PKD2: variants seen among roughly 807,000 people sequenced by gnomAD.
The protein encoded by PKD2 is polycystin 2, transient receptor potential cation channel.
In PKD2, 48 loss-of-function variants were observed where a neutral mutation model predicts 105.9. The ratio of observed to expected loss-of-function variants is 0.45; its 90% confidence interval spans 0.36 to 0.58. The LOEUF (loss-of-function observed/expected upper bound fraction) is 0.58. Among genes scored for constraint, PKD2 ranks in the 20% least tolerant of loss-of-function variants. The probability of loss-of-function intolerance (pLI) is 0.00; values close to 1 mark genes in which losing one functional copy is unlikely to be tolerated. For missense variants in PKD2, 1,078 were observed against 1,255.3 expected (o/e 0.86, Z 2.13); for synonymous variants, 464 against 481.1 (o/e 0.96, Z 0.46).
chr4:88,024,482 A>G (rs1017130760), intron 2 of PKD2, among the ~76,000 whole-genome samples: 5 of 124,836 alleles, frequency 4.0e-5, no homozygotes, highest in African/African-American at 1.7e-4. Context: ...AAAAAAAAAA[A>G]GAAAGAAAGA....
At chr4:88,053,716 A>G (rs1720201868) in intron 7 of PKD2, among the ~76,000 whole-genome samples, 1 of 152,094 alleles carries the variant, frequency 6.6e-6, no homozygotes, top group South Asian at 2.1e-4. Context: ...TTATTTATTG[A>G]CATGCTTGTT....
chr4:88,057,742 C>A (rs908011431), intron 8 of PKD2, among the ~76,000 whole-genome samples: 3 of 152,056 alleles, frequency 2.0e-5, no homozygotes, highest in Non-Finnish European at 2.9e-5. Flanking sequence ...CTTGTGTTTT[C>A]TTTTTAACCA....
At chr4:88,067,862 G>A in intron 12 of PKD2, 36 bp from the exon 13 acceptor site, 1 of 1,602,926 alleles carries the variant, frequency 6.2e-7, no homozygotes. Context: ...GGGTCTCAGT[G>A]TTCTGCTCCT....
At position 88,034,668 on chromosome 4, in the gene PKD2, C is replaced by CAA. The variant is rs61534136; in HGVS notation, c.710-1533_710-1532dup. The stretch of plus-strand genomic sequence containing the variant: ...GGGCAACAACAGTGAAACTCCGTCT[C>CAA]AAAAAAAAAAAAAAAAAAAAGGCAG... On this transcript the variant is annotated intron_variant, in intron 2 of 14. Coordinates refer to ENST00000237596, the MANE Select transcript of PKD2 (RefSeq NM_000297.4). Among the ~76,000 whole-genome samples, 347 of 71,750 alleles carry CAA rather than the reference C, an allele frequency of 4.8e-3. 5 individuals are homozygous for CAA. Among genetic ancestry groups the CAA allele is most frequent in the African/African-American group, 0.011 (187 of 17,390 alleles). The allele number at this position is 71,750 out of a possible 152,430, so 47.1% of individuals were successfully genotyped here. A position where few individuals can be genotyped will look rare whatever the true frequency, so the allele number is the denominator to read the frequency against.
intron 11 of PKD2, 44 bp from the exon 12 acceptor site, chr4:88,065,718 G>A (rs754809045): frequency 1.4e-6 from 2 of 1,418,494 alleles, no homozygotes; most frequent in East Asian, 2.3e-5. Context: ...GGGTGAACTG[G>A]GTACAAGGAA....
At chr4:88,009,396 C>T (rs916969535) in intron 1 of PKD2, among the ~76,000 whole-genome samples, 1 of 152,182 alleles carries the variant, frequency 6.6e-6, no homozygotes, top group Non-Finnish European at 1.5e-5. Context: ...GTGATTAAAA[C>T]CAGGTCAGGC....
chr4:88,012,017 C>T (rs1191298199), intron 1 of PKD2, among the ~76,000 whole-genome samples: 1 of 151,966 alleles, frequency 6.6e-6, no homozygotes, highest in Non-Finnish European at 1.5e-5. Context: ...AAGGATGCTG[C>T]TAATCTACAA....
chr4:88,065,586 A>G, intron 11 of PKD2, 91 bp downstream of exon 11: 1 of 1,367,996 alleles, frequency 7.3e-7, no homozygotes, highest in Non-Finnish European at 1.0e-6. Flanking sequence ...AAGGGCTCAT[A>G]CAGATACTTT....
At chr4:88,028,341 A>G (rs1239591821) in intron 2 of PKD2, among the ~76,000 whole-genome samples, 1 of 152,252 alleles carries the variant, frequency 6.6e-6, no homozygotes, top group Non-Finnish European at 1.5e-5. Context: ...ATCTCACAGC[A>G]GCTGCAGGCT....
rs1375800439 is a variant in PKD2, at chr4:88,056,251, A to G, written c.1882A>G (p.Thr628Ala). ...VFGTQVDDFS[T>A]FQECIFTQFR... The stretch of plus-strand genomic sequence containing the variant: ...TGGCACTCAGGTCGATGACTTCAGT[A>G]CTTTCCAAGAGTGTATGTAAGTATA... The change falls in exon 8 of 15, where the codon ACT (threonine) becomes GCT (alanine). Residue 628 changes from threonine (T) to alanine (A), a missense_variant. Coordinates refer to ENST00000237596, the MANE Select transcript of PKD2 (RefSeq NM_000297.4). 6.2e-7 allele frequency: 1 copy of G among 1,609,696 alleles called. No individual in the cohort carries two copies. Among genetic ancestry groups the G allele is most frequent in the Non-Finnish European group, 8.5e-7 (1 of 1,176,142 alleles).
chr4:88,043,645 GGATCCTAGAATATTACGAGTTGGAAAGA>G (rs1727662600), intron 5 of PKD2, among the ~76,000 whole-genome samples, 188 bp downstream of exon 5: 1 of 152,110 alleles, frequency 6.6e-6, no homozygotes, highest in Non-Finnish European at 1.5e-5. Flanking sequence ...AAGGGAGTTG[GGATCCTAGAATATTACGAGTTGGAAAGA>G]ACCATAACTC....
chr4:88,067,550 A>G (rs1473755797), intron 12 of PKD2, among the ~76,000 whole-genome samples: 1 of 152,062 alleles, frequency 6.6e-6, no homozygotes, highest in Admixed American at 6.6e-5. Flanking sequence ...TGCCCAGGCC[A>G]GTCTCAAACT....
In PKD2 at chr4:88,059,294, C is replaced by T. The variant is rs563269019; in HGVS notation, c.2019+1191C>T. Among the ~76,000 whole-genome samples the T allele has an allele frequency of 2.6e-5, 4 of 152,200 alleles. No homozygotes were observed. In the South Asian group the frequency reaches 6.2e-4, roughly 24 times the overall value. On this transcript the variant is annotated intron_variant, in intron 9 of 14. Coordinates refer to ENST00000237596, the MANE Select transcript of PKD2 (RefSeq NM_000297.4). ...TTTATGGCTCATTTTTAAACTTACA[C>T]CTCTTAAGCTTCTTCTTCCTATCAT...
intron 4 of PKD2, among the ~76,000 whole-genome samples, chr4:88,039,353 C>T (rs1727466362): frequency 6.6e-6 from 1 of 152,070 alleles, no homozygotes; most frequent in Non-Finnish European, 1.5e-5. Flanking sequence ...AATACCAGAA[C>T]CCATAAGAAA....
At chr4:88,057,849 C>A (rs1720421529) in intron 8 of PKD2, 134 bp from the exon 9 acceptor site, 1 of 725,846 alleles carries the variant, frequency 1.4e-6, no homozygotes, top group Non-Finnish European at 2.5e-6. Context: ...ATGGGATTGA[C>A]AATTTTCTGT....
chr4:88,019,620 G>A (rs1428383948), intron 2 of PKD2, 49 bp downstream of exon 2: 2 of 1,015,182 alleles, frequency 2.0e-6, no homozygotes, highest in Admixed American at 3.4e-5. Context: ...GAAAAGATTT[G>A]ACCTATCCAA....
At chr4:88,025,606 C>A (rs369238117) in intron 2 of PKD2, among the ~76,000 whole-genome samples, 1 of 148,758 alleles carries the variant, frequency 6.7e-6, no homozygotes, top group Non-Finnish European at 1.5e-5. Flanking sequence ...AGAGCAAGAC[C>A]CTGTCTCAAA....
intron 9 of PKD2, among the ~76,000 whole-genome samples, chr4:88,059,669 T>C (rs1166759179): frequency 6.6e-5 from 10 of 152,190 alleles, no homozygotes; most frequent in Non-Finnish European, 5.9e-5. Context: ...TAAAATTGTT[T>C]TTTTGTACGA....
At chr4:88,069,839 G>T (rs1720948892) in intron 13 of PKD2, among the ~76,000 whole-genome samples, 5 of 151,918 alleles carry the variant, frequency 3.3e-5, no homozygotes, top group Admixed American at 3.3e-4. Flanking sequence ...ATACAGCTTT[G>T]CTACTGCCTA....
Sources: gnomAD v4.1 joint callset for allele counts (sites outside exome capture counted in the v4.1 genomes callset) on GRCh38, gnomAD v4.1.1 for gene constraint, MANE v1.5 for transcripts, NCBI Gene and HGNC (gene_info 2026-07-23, HGNC 2026-07-21) for gene names.